Variants in TESK2 observed in about 807,000 individuals in gnomAD.
TESK2 encodes the protein testis associated actin remodelling kinase 2.
In TESK2, 39 loss-of-function variants were observed where a neutral mutation model predicts 57.1. That is an observed-to-expected ratio of 0.68 (90% CI 0.53 to 0.89). TESK2 has a LOEUF of 0.89. Among genes scored for constraint, TESK2 ranks in the 40% least tolerant of loss-of-function variants. TESK2 has a pLI of 0.00. For missense variants in TESK2, 646 were observed against 732.1 expected, an observed-to-expected ratio of 0.88 and a Z score of 1.36; for synonymous variants, 249 against 267.9, an observed-to-expected ratio of 0.93 and a Z score of 0.69.
intron 4 of TESK2, among the ~76,000 whole-genome samples, chr1:45,382,487 C>G (rs1200638723): frequency 6.6e-6 from 1 of 152,218 alleles, no homozygotes; most frequent in African/African-American, 2.4e-5. Flanking sequence ...AATCTGCCCA[C>G]CTTGGCCTCT....
At chr1:45,420,360 T>A (rs1650420878) in intron 3 of TESK2, among the ~76,000 whole-genome samples, 1 of 152,054 alleles carries the variant, frequency 6.6e-6, no homozygotes, top group African/African-American at 2.4e-5. Context: ...CACCTCAGCC[T>A]CCCGAGTAGC....
At chr1:45,419,174 C>T (rs970807898) in intron 3 of TESK2, among the ~76,000 whole-genome samples, 9 of 152,032 alleles carry the variant, frequency 5.9e-5, no homozygotes, top group Admixed American at 2.0e-4. Flanking sequence ...GACGGGGTTT[C>T]ACCATGTTGG....
intron 3 of TESK2, among the ~76,000 whole-genome samples, chr1:45,411,461 A>G (rs1400932798): frequency 9.2e-5 from 14 of 152,150 alleles, no homozygotes; most frequent in African/African-American, 2.4e-5. Flanking sequence ...TCACGCTTCT[A>G]TGAAAATATA....
intron 1 of TESK2, among the ~76,000 whole-genome samples, chr1:45,487,028 C>T (rs1653512503): frequency 6.6e-6 from 1 of 151,784 alleles, no homozygotes; most frequent in Non-Finnish European, 1.5e-5. Context: ...AGGGTTTCTC[C>T]ATGTTGGTCA....
At chr1:45,468,894 C>T (rs1439315130) in intron 1 of TESK2, among the ~76,000 whole-genome samples, 1 of 152,140 alleles carries the variant, frequency 6.6e-6, no homozygotes, top group African/African-American at 2.4e-5. Context: ...GTTAGAGAAG[C>T]TTAATCATTT....
rs77212520 is a variant in TESK2 at position 45,405,160 on chromosome 1, C to T, written c.344+16565G>A. The stretch of plus-strand genomic sequence containing the variant: ...AAGAAAACTGAGGTTATAGATATTT[C>T]ACAATTTGCTCAAGATCCCCTAAAT... On this transcript the variant is annotated intron_variant, in intron 3 of 10. Coordinates refer to ENST00000372086, the MANE Select transcript of TESK2 (RefSeq NM_007170.3). Among the ~76,000 whole-genome samples, 85 of 152,204 alleles carry T rather than the reference C, an allele frequency of 5.6e-4. No individual in the cohort carries two copies. The East Asian group carries it at 0.013, about 23-fold the overall frequency.
chr1:45,373,697 T>G (rs1648293649), intron 4 of TESK2, among the ~76,000 whole-genome samples: 1 of 152,182 alleles, frequency 6.6e-6, no homozygotes, highest in Admixed American at 6.5e-5. Context: ...GAATTTATTA[T>G]CTAAGCAAAT....
At chr1:45,352,611 A>G (rs1273869063) in intron 5 of TESK2, among the ~76,000 whole-genome samples, 1 of 152,214 alleles carries the variant, frequency 6.6e-6, no homozygotes, top group Non-Finnish European at 1.5e-5. Flanking sequence ...GTAGCTAAAC[A>G]ATTATAAAAT....
chr1:45,388,916 T>C (rs932450833), intron 3 of TESK2, among the ~76,000 whole-genome samples: 1 of 152,030 alleles, frequency 6.6e-6, no homozygotes, highest in South Asian at 2.1e-4. Flanking sequence ...GGGACGGGGT[T>C]TCACCGTGTT....
chr1:45,400,182 G>A (rs531092722), intron 3 of TESK2, among the ~76,000 whole-genome samples: 1 of 152,306 alleles, frequency 6.6e-6, no homozygotes, highest in South Asian at 2.1e-4. Flanking sequence ...GGTGGAAGAG[G>A]GAGGCAGAAG....
chr1:45,431,410 C>T (rs1425349778), intron 2 of TESK2, among the ~76,000 whole-genome samples: 1 of 151,342 alleles, frequency 6.6e-6, no homozygotes. Flanking sequence ...AGAGCGAGAA[C>T]CTATCTAAAA....
At chr1:45,355,679 A>G (rs999904974) in intron 4 of TESK2, among the ~76,000 whole-genome samples, 3 of 152,222 alleles carry the variant, frequency 2.0e-5, no homozygotes, top group African/African-American at 7.2e-5. Context: ...TATAATAAAT[A>G]TTAAAATATA....
chr1:45,429,406 TA>T (rs1220221469), intron 2 of TESK2, among the ~76,000 whole-genome samples: 2 of 151,386 alleles, frequency 1.3e-5, no homozygotes, highest in African/African-American at 2.4e-5. Flanking sequence ...AAAAACAGAT[TA>T]AAAAAAAATT....
chr1:45,386,079 T>C lies in TESK2; in HGVS notation c.345-119A>G, dbSNP rs1325721164. On this transcript the variant is annotated intron_variant, in intron 3 of 10. Transcript: ENST00000372086. ...AACCTGTGGGGTGCGGCATGATGGC[T>C]TACATCTGTAATCCCCGCACTTTAG... 4.7e-6 allele frequency: 3 copies of C among 637,976 alleles called. No homozygotes were observed. In the African/African-American group the frequency reaches 5.6e-5, roughly 12 times the overall value. 39.5% of individuals were successfully genotyped at this position (637,976 alleles called of 1,614,324 possible).
In TESK2 at chr1:45,426,912, T is replaced by C. The variant is rs1238629839; in HGVS notation, c.223-5066A>G. On this transcript the variant is annotated intron_variant, in intron 2 of 10. Transcript: ENST00000372086. ...ACTACAATGAGATATCATCTCACCC[T>C]AGTTAAAATGGTTTTTATCCAAAAG... 9.2e-5 allele frequency among the ~76,000 whole-genome samples: 14 copies of C among 152,268 alleles called. No individual in the cohort carries two copies. The East Asian group carries it at 2.5e-3, about 27-fold the overall frequency.
chr1:45,368,349 G>T (rs1176593703), intron 4 of TESK2, among the ~76,000 whole-genome samples: 2 of 150,626 alleles, frequency 1.3e-5, no homozygotes, highest in African/African-American at 2.5e-5. Context: ...TTGTTTTTTT[G>T]TGTGTGTTTT....
At chr1:45,385,734 A>ATATATATATATATATG (rs1391093594) in intron 4 of TESK2, among the ~76,000 whole-genome samples, 178 bp downstream of exon 4, 3 of 149,480 alleles carry the variant, frequency 2.0e-5, no homozygotes, top group Admixed American at 6.7e-5. Flanking sequence ...ATATATATAT[A>ATATATATATATATATG]TAAAGAAATA....
intron 1 of TESK2, among the ~76,000 whole-genome samples, chr1:45,460,462 G>C (rs1314662839): frequency 2.0e-5 from 3 of 152,180 alleles, no homozygotes; most frequent in South Asian, 4.1e-4. Context: ...AGAGGTTGCA[G>C]TGAGCCGAGA....
intron 1 of TESK2, among the ~76,000 whole-genome samples, chr1:45,473,551 T>G (rs1652856955): frequency 6.6e-6 from 1 of 152,180 alleles, no homozygotes. Flanking sequence ...AGAGTCAGCC[T>G]GGCCTACTAA....
Sources: gnomAD v4.1 joint callset for allele counts (sites outside exome capture counted in the v4.1 genomes callset) on GRCh38, gnomAD v4.1.1 for gene constraint, MANE v1.5 for transcripts, NCBI Gene and HGNC (gene_info 2026-07-23, HGNC 2026-07-21) for gene names.